FNIP2: variants seen among roughly 807,000 people sequenced by gnomAD.
The protein encoded by FNIP2 is folliculin interacting protein 2.
Under a neutral mutation model 108.7 loss-of-function variants are expected in FNIP2, and 32 were observed. The ratio of observed to expected loss-of-function variants is 0.29; its 90% confidence interval spans 0.22 to 0.40. The LOEUF is 0.40. Among genes scored for constraint, FNIP2 ranks in the 10% least tolerant of loss-of-function variants. The pLI is 1.00. For synonymous variants in FNIP2, 480 were observed against 496.7 expected, an observed-to-expected ratio of 0.97 and a Z score of 0.45; for missense variants, 1,202 against 1,381.6, an observed-to-expected ratio of 0.87 and a Z score of 2.06.
chr4:158,871,615 G>A (rs1037956269), intron 14 of FNIP2: 17 of 985,210 alleles, frequency 1.7e-5, no homozygotes, highest in Admixed American at 6.2e-5. Flanking sequence ...CAGAAGCTGG[G>A]GAAAGCCAGC....
intron 7 of FNIP2, among the ~76,000 whole-genome samples, chr4:158,842,500 G>T (rs2126627538): frequency 6.6e-6 from 1 of 152,216 alleles, no homozygotes; most frequent in African/African-American, 2.4e-5. Context: ...GTCTTTTGTA[G>T]ACACCTCTTT....
intron 16 of FNIP2, among the ~76,000 whole-genome samples, chr4:158,896,946 T>C (rs1300700865): frequency 6.6e-6 from 1 of 152,040 alleles, no homozygotes; most frequent in Non-Finnish European, 1.5e-5. Flanking sequence ...GCTGCACCCA[T>C]CAACCCGTCA....
At chr4:158,887,115 T>G (rs1782060050) in intron 14 of FNIP2, among the ~76,000 whole-genome samples, 1 of 152,192 alleles carries the variant, frequency 6.6e-6, no homozygotes, top group African/African-American at 2.4e-5. Context: ...TTTCTTTAGT[T>G]CCCATGCCCA....
At chr4:158,804,457 AGGCT>A (rs2126483996) in intron 1 of FNIP2, among the ~76,000 whole-genome samples, 1 of 139,528 alleles carries the variant, frequency 7.2e-6, no homozygotes, top group South Asian at 2.2e-4. Context: ...TCTGTTGTCC[AGGCT>A]GGAATGCAGT....
chr4:158,851,148 A>G (rs532853903), intron 7 of FNIP2, among the ~76,000 whole-genome samples, 173 bp from the exon 8 acceptor site: 1 of 152,286 alleles, frequency 6.6e-6, no homozygotes, highest in East Asian at 1.9e-4. Flanking sequence ...GTTGGTGCAA[A>G]GGTAATTGCG....
Position 158,780,226 on chromosome 4 carries a change from AC to A in FNIP2, c.107+10908del, listed in dbSNP as rs1045162092. Among the ~76,000 whole-genome samples the A allele has an allele frequency of 7.8e-4, 118 of 151,950 alleles. 1 individual carries two copies. The highest frequency in any genetic ancestry group is 2.5e-3 in the African/African-American group (102 of 41,476). ...CTGTCTCAGAAAAAAAAAAAGGAAA[AC>A]TATAAAATTCTATTATAATACAAAT... On this transcript the variant is annotated intron_variant, in intron 1 of 16. Coordinates refer to ENST00000264433, the MANE Select transcript of FNIP2 (RefSeq NM_020840.3).
At chr4:158,855,614 A>T (rs1029411973) in intron 8 of FNIP2, among the ~76,000 whole-genome samples, 4 of 152,018 alleles carry the variant, frequency 2.6e-5, no homozygotes, top group Non-Finnish European at 4.4e-5. Context: ...TGCCCAGCTA[A>T]TTTTTGTATT....
At chr4:158,861,242 A>G in intron 10 of FNIP2, 100 bp from the exon 11 acceptor site, 1 of 1,318,334 alleles carries the variant, frequency 7.6e-7, no homozygotes, top group Non-Finnish European at 1.0e-6. Context: ...TTTAAGGACT[A>G]CATAGATTCA....
At chr4:158,837,828 A>T (rs2126610592) in intron 7 of FNIP2, among the ~76,000 whole-genome samples, 1 of 152,310 alleles carries the variant, frequency 6.6e-6, no homozygotes. Flanking sequence ...CTTTACTTCC[A>T]GTCTCTGGTT....
At chr4:158,883,383 A>T (rs1781816807) in intron 14 of FNIP2, among the ~76,000 whole-genome samples, 2 of 151,762 alleles carry the variant, frequency 1.3e-5, no homozygotes, top group Non-Finnish European at 2.9e-5. Flanking sequence ...CTGGGACTAC[A>T]GGCGCCCGCC....
At chr4:158,818,170 A>G (rs1276725225) in intron 1 of FNIP2, among the ~76,000 whole-genome samples, 3 of 152,250 alleles carry the variant, frequency 2.0e-5, no homozygotes, top group Non-Finnish European at 4.4e-5. Flanking sequence ...TGTGACACAT[A>G]CGATAATGTT....
chr4:158,885,793 G>T (rs991107085), intron 14 of FNIP2, among the ~76,000 whole-genome samples: 2 of 152,244 alleles, frequency 1.3e-5, no homozygotes, highest in Non-Finnish European at 2.9e-5. Flanking sequence ...CAGCTGGTAA[G>T]TGACGGTGGT....
At chr4:158,804,897 A>C (rs138885357) in intron 1 of FNIP2, among the ~76,000 whole-genome samples, 1 of 152,168 alleles carries the variant, frequency 6.6e-6, no homozygotes, top group Non-Finnish European at 1.5e-5. Flanking sequence ...TCAATTTAGC[A>C]TGTGCCACAG....
intron 1 of FNIP2, among the ~76,000 whole-genome samples, chr4:158,824,727 G>C (rs770069077): frequency 1.3e-5 from 2 of 152,184 alleles, no homozygotes; most frequent in Non-Finnish European, 2.9e-5. Flanking sequence ...CATGGAGGGA[G>C]AACATGATCC....
chr4:158,875,539 T>TATATATATATATATATATATATATGC (rs1474470268), intron 14 of FNIP2, among the ~76,000 whole-genome samples: 6 of 144,178 alleles, frequency 4.2e-5, no homozygotes, highest in African/African-American at 1.6e-4. Context: ...TATATATATA[T>TATATATATATATATATATATATATGC]ATGCTCATGA....
At chr4:158,771,772 A>G (rs532351962) in intron 1 of FNIP2, among the ~76,000 whole-genome samples, 40 of 152,242 alleles carry the variant, frequency 2.6e-4, no homozygotes, top group African/African-American at 9.1e-4. Flanking sequence ...TGTTTGTTTT[A>G]GAGTTTGTAT....
At chr4:158,772,710 A>C (rs1173234773) in intron 1 of FNIP2, among the ~76,000 whole-genome samples, 1 of 152,218 alleles carries the variant, frequency 6.6e-6, no homozygotes, top group Non-Finnish European at 1.5e-5. Flanking sequence ...AGTATAATTT[A>C]ATCCACTTAT....
At chr4:158,887,384 A>G (rs1053066902) in intron 14 of FNIP2, among the ~76,000 whole-genome samples, 1 of 152,220 alleles carries the variant, frequency 6.6e-6, no homozygotes, top group African/African-American at 2.4e-5. Flanking sequence ...AAATAGTATT[A>G]TAAAGAAGCA....
intron 16 of FNIP2, among the ~76,000 whole-genome samples, chr4:158,901,388 G>T (rs190698628): frequency 6.6e-6 from 1 of 152,214 alleles, no homozygotes; most frequent in African/African-American, 2.4e-5. Flanking sequence ...CCCTTTGTGG[G>T]TAACCTGACC....
Sources: allele counts gnomAD v4.1 joint callset (sites outside exome capture counted in the v4.1 genomes callset), GRCh38; gene constraint gnomAD v4.1.1; transcripts MANE v1.5; gene names NCBI Gene and HGNC (gene_info 2026-07-23, HGNC 2026-07-21).